Variants in ADK observed in about 807,000 individuals in gnomAD.
ADK encodes the protein N6,N6-dimethyladenosine kinase.
Under a neutral mutation model 44.7 loss-of-function variants are expected in ADK, and 24 were observed. The ratio of observed to expected loss-of-function variants is 0.54; its 90% CI spans 0.39 to 0.76. ADK has a LOEUF of 0.76. ADK is among the 30% of genes least tolerant of loss of function. The pLI, the probability that ADK is intolerant of heterozygous loss-of-function variation, is 0.00. For missense variants in ADK, 321 were observed against 425.1 expected, an observed-to-expected ratio of 0.76 and a Z score of 2.15; for synonymous variants, 128 against 142.6, an observed-to-expected ratio of 0.90 and a Z score of 0.73.
intron 9 of ADK, among the ~76,000 whole-genome samples, chr10:74,647,566 C>G (rs893159134): frequency 1.3e-5 from 2 of 152,114 alleles, no homozygotes; most frequent in Non-Finnish European, 2.9e-5. Context: ...CCTCAGGGAG[C>G]ACACTTTTCT....
At chr10:74,600,539 T>A (rs1253338451) in intron 9 of ADK, 46 bp downstream of exon 9, 2 of 1,313,972 alleles carry the variant, frequency 1.5e-6, no homozygotes, top group Admixed American at 1.9e-5. Context: ...TGGAGATTAA[T>A]CAATTACAAA....
intron 6 of ADK, among the ~76,000 whole-genome samples, chr10:74,417,883 TACTC>T (rs1339597914): frequency 1.3e-5 from 2 of 152,186 alleles, no homozygotes; most frequent in Non-Finnish European, 2.9e-5. Flanking sequence ...ATTAAATATT[TACTC>T]ACGTGCACAA....
At chr10:74,591,726 C>T (rs1851728885) in intron 8 of ADK, among the ~76,000 whole-genome samples, 2 of 152,106 alleles carry the variant, frequency 1.3e-5, no homozygotes, top group South Asian at 4.2e-4. Context: ...GCATTTTATC[C>T]CTTCTAACTT....
In ADK at chr10:74,388,670, A is replaced by C. The variant is rs1592139110; in HGVS notation, c.274-5471A>C. On this transcript the variant is annotated intron_variant, in intron 4 of 10. Transcript: ENST00000539909. ...ATTTTCAACTCTTCTTTGAAAATTT[A>C]TAGAAATACATTAGATTTTTATATA... is the stretch of plus-strand genomic sequence containing the variant. Among the ~76,000 whole-genome samples, 9 of 152,158 alleles carry C rather than the reference A, an allele frequency of 5.9e-5. 1 individual carries two copies. The highest frequency in any genetic ancestry group is 5.9e-4 in the Admixed American group (9 of 15,284).
intron 7 of ADK, among the ~76,000 whole-genome samples, chr10:74,541,791 C>A (rs1849637321): frequency 3.9e-5 from 2 of 51,728 alleles, no homozygotes; most frequent in Non-Finnish European, 4.5e-5. Flanking sequence ...AGAACCCCCA[C>A]ACACCCCCCC....
At chr10:74,248,266 T>C (rs1845506023) in intron 3 of ADK, among the ~76,000 whole-genome samples, 1 of 152,202 alleles carries the variant, frequency 6.6e-6, no homozygotes, top group Non-Finnish European at 1.5e-5. Context: ...CCCTTTCTTA[T>C]GAGGCATTAA....
At chr10:74,638,797 T>C (rs1003871388) in intron 9 of ADK, among the ~76,000 whole-genome samples, 1 of 152,134 alleles carries the variant, frequency 6.6e-6, no homozygotes, top group Admixed American at 6.6e-5. Flanking sequence ...TTTGTGTTTT[T>C]TGTTATTGTT....
At chr10:74,483,790 G>A (rs998106925) in intron 6 of ADK, among the ~76,000 whole-genome samples, 2 of 152,192 alleles carry the variant, frequency 1.3e-5, no homozygotes, top group African/African-American at 4.8e-5. Context: ...TAGTCTCTTT[G>A]CTAAAGCATA....
At chr10:74,255,210 G>A (rs987679278) in intron 3 of ADK, among the ~76,000 whole-genome samples, 8 of 152,096 alleles carry the variant, frequency 5.3e-5, no homozygotes, top group African/African-American at 1.9e-4. Flanking sequence ...GTAGGACAGG[G>A]GAGGTGGGGT....
At chr10:74,661,308 TTGAA>T (rs1854717153) in intron 9 of ADK, 1 of 969,772 alleles carries the variant, frequency 1.0e-6, no homozygotes, top group Non-Finnish European at 1.2e-6. Flanking sequence ...GCAACATTAC[TTGAA>T]TGACAACTTT....
intron 7 of ADK, among the ~76,000 whole-genome samples, chr10:74,573,959 C>T (rs1444881776): frequency 1.3e-5 from 2 of 152,182 alleles, no homozygotes; most frequent in East Asian, 1.9e-4. Flanking sequence ...TTGCGCTTCC[C>T]GAGTGAGGCA....
At chr10:74,423,940 G>T (rs1197793174) in intron 6 of ADK, 3 of 209,916 alleles carry the variant, frequency 1.4e-5, no homozygotes, top group African/African-American at 2.3e-5. Context: ...GACAAGGCTG[G>T]ATTTGGCCAC....
rs1006455066 is a variant in ADK, at chr10:74,436,948, T to C, written c.555+38369T>C. 8.5e-5 allele frequency among the ~76,000 whole-genome samples: 13 copies of C among 152,148 alleles called. No individual in the cohort carries two copies. The East Asian group carries it at 9.7e-4, about 11-fold the overall frequency. On this transcript the variant is annotated intron_variant, in intron 6 of 10. Transcript: ENST00000539909. Reference sequence around the variant, plus strand: ...ACTACTCTTATTTGTAGATGACATTTTGCATATAGAAAATCTTAAGGAATC... The same window carrying C: ...ACTACTCTTATTTGTAGATGACATTCTGCATATAGAAAATCTTAAGGAATC...
intron 3 of ADK, among the ~76,000 whole-genome samples, chr10:74,312,097 C>G (rs1265094722): frequency 6.6e-6 from 1 of 152,034 alleles, no homozygotes; most frequent in Non-Finnish European, 1.5e-5. Flanking sequence ...ACCAGGGAGT[C>G]AGAGGCTGCA....
intron 6 of ADK, among the ~76,000 whole-genome samples, chr10:74,450,570 A>G (rs1007300700): frequency 1.7e-4 from 26 of 152,340 alleles, no homozygotes; most frequent in African/African-American, 6.3e-4. Flanking sequence ...ATAATAAGAA[A>G]ACCAGAATAT....
intron 6 of ADK, among the ~76,000 whole-genome samples, chr10:74,436,955 T>C (rs142759939): frequency 0.011 from 1,680 of 152,126 alleles, 17 homozygotes; most frequent in Non-Finnish European, 0.017. Context: ...ATTTTGCATA[T>C]AGAAAATCTT....
At chr10:74,442,599 A>C (rs1411692956) in intron 6 of ADK, among the ~76,000 whole-genome samples, 3 of 152,128 alleles carry the variant, frequency 2.0e-5, no homozygotes, top group Non-Finnish European at 4.4e-5. Flanking sequence ...CGAGCTGAGA[A>C]CATGCCACTG....
intron 3 of ADK, among the ~76,000 whole-genome samples, chr10:74,294,876 G>T (rs1839754515): frequency 6.6e-6 from 1 of 151,804 alleles, no homozygotes; most frequent in South Asian, 2.1e-4. Context: ...TTATTTTTGA[G>T]ACAGGGTCTT....
At chr10:74,545,093 A>G (rs931638750) in intron 7 of ADK, among the ~76,000 whole-genome samples, 1 of 152,144 alleles carries the variant, frequency 6.6e-6, no homozygotes, top group African/African-American at 2.4e-5. Context: ...AGGGTCATAC[A>G]GATTCTACTT....
Sources: gnomAD v4.1 joint callset for allele counts (sites outside exome capture counted in the v4.1 genomes callset) on GRCh38, gnomAD v4.1.1 for gene constraint, MANE v1.5 for transcripts, NCBI Gene and HGNC (gene_info 2026-07-23, HGNC 2026-07-21) for gene names.